The following EPHB1 variants were observed in gnomAD, a reference collection of about 807,000 sequenced individuals.
EPHB1 encodes EPH receptor B1, also known as ephrin type-B receptor 1.
In EPHB1, 30 loss-of-function variants were observed where a neutral mutation model predicts 94.4. That is an observed-to-expected ratio of 0.32 (90% CI 0.24 to 0.43). EPHB1 has a LOEUF of 0.43. Among genes scored for constraint, EPHB1 ranks in the 20% least tolerant of loss-of-function variants. The probability of loss-of-function intolerance (pLI) is 1.00; values close to 1 mark genes in which losing one functional copy is unlikely to be tolerated. For missense variants in EPHB1, 1,055 were observed against 1,308.3 expected (o/e 0.81, Z 2.99); for synonymous variants, 522 against 489.1 (o/e 1.07, Z -0.89).
At chr3:135,086,827 C>G (rs1194191854) in intron 3 of EPHB1, among the ~76,000 whole-genome samples, 1 of 152,164 alleles carries the variant, frequency 6.6e-6, no homozygotes, top group Non-Finnish European at 1.5e-5. Flanking sequence ...TTACTCTTCT[C>G]TGTAAAGTCA....
chr3:135,002,515 A>G (rs1314142370), intron 3 of EPHB1, among the ~76,000 whole-genome samples: 1 of 151,892 alleles, frequency 6.6e-6, no homozygotes, highest in Non-Finnish European at 1.5e-5. Flanking sequence ...ATTGATTGGA[A>G]TAGTTTCAGA....
intron 3 of EPHB1, among the ~76,000 whole-genome samples, chr3:135,088,663 A>G (rs1938445364): frequency 6.6e-6 from 1 of 152,162 alleles, no homozygotes; most frequent in Non-Finnish European, 1.5e-5. Context: ...ATGAGGAAGG[A>G]TGGAAGAAGA....
chr3:135,078,373 G>A (rs1444568788), intron 3 of EPHB1, among the ~76,000 whole-genome samples: 1 of 152,188 alleles, frequency 6.6e-6, no homozygotes, highest in African/African-American at 2.4e-5. Context: ...ACCATGCTGG[G>A]CAGGGCACCC....
chr3:134,996,161 A>G (rs922918574), intron 3 of EPHB1, among the ~76,000 whole-genome samples: 2 of 152,164 alleles, frequency 1.3e-5, no homozygotes, highest in Admixed American at 1.3e-4. Flanking sequence ...CCTTATTTAC[A>G]TATTTTTGGT....
intron 3 of EPHB1, chr3:134,978,068 G>A (rs1268612101): frequency 2.1e-5 from 9 of 438,308 alleles, no homozygotes; most frequent in African/African-American, 1.8e-4. Context: ...CACCCCCTCT[G>A]AGGAAGCAGG....
chr3:135,248,857 G>A (rs536151074), intron 14 of EPHB1, among the ~76,000 whole-genome samples: 1 of 152,118 alleles, frequency 6.6e-6, no homozygotes, highest in East Asian at 1.9e-4. Context: ...GGATACCTGG[G>A]TGTCTGCTTT....
At chr3:134,865,356 C>A (rs1241660599) in intron 1 of EPHB1, among the ~76,000 whole-genome samples, 1 of 152,162 alleles carries the variant, frequency 6.6e-6, no homozygotes, top group Non-Finnish European at 1.5e-5. Context: ...TTAGGAATCA[C>A]TGATCTGGGG....
At chr3:134,946,308 C>G (rs981357919) in intron 2 of EPHB1, among the ~76,000 whole-genome samples, 1 of 152,190 alleles carries the variant, frequency 6.6e-6, no homozygotes, top group Admixed American at 6.5e-5. Flanking sequence ...TAGTTACACT[C>G]AGGATGAAGT....
At chr3:135,103,510 C>T (rs1422998353) in intron 3 of EPHB1, among the ~76,000 whole-genome samples, 1 of 152,212 alleles carries the variant, frequency 6.6e-6, no homozygotes, top group African/African-American at 2.4e-5. Flanking sequence ...TTATTTAGCA[C>T]ACATTGATGC....
At chr3:134,963,981 C>T (rs1305369014) in intron 3 of EPHB1, among the ~76,000 whole-genome samples, 1 of 152,224 alleles carries the variant, frequency 6.6e-6, no homozygotes, top group East Asian at 1.9e-4. Flanking sequence ...TCACCTGCAT[C>T]ATCATGCCCA....
At chr3:134,860,074 A>G (rs2037214772) in intron 1 of EPHB1, among the ~76,000 whole-genome samples, 2 of 151,838 alleles carry the variant, frequency 1.3e-5, no homozygotes, top group South Asian at 4.2e-4. Context: ...TGAAGATTGT[A>G]TATTTTTTGA....
chr3:135,040,390 A>G (rs1936794703), intron 3 of EPHB1, among the ~76,000 whole-genome samples: 1 of 152,240 alleles, frequency 6.6e-6, no homozygotes, highest in African/African-American at 2.4e-5. Flanking sequence ...AGCTCCCCAC[A>G]TGCAGTGTGA....
chr3:135,042,072 G>C (rs1290553184), intron 3 of EPHB1, among the ~76,000 whole-genome samples: 1 of 152,162 alleles, frequency 6.6e-6, no homozygotes, highest in Non-Finnish European at 1.5e-5. Context: ...GAGACTACAG[G>C]CCTGCACCAC....
At chr3:134,976,207 G>A (rs189295838) in intron 3 of EPHB1, among the ~76,000 whole-genome samples, 2 of 152,302 alleles carry the variant, frequency 1.3e-5, no homozygotes, top group East Asian at 3.9e-4. Context: ...AGAGATCTAT[G>A]GGAGCAGCTA....
At chr3:134,922,691 T>A (rs558572294) in intron 1 of EPHB1, among the ~76,000 whole-genome samples, 23 of 152,286 alleles carry the variant, frequency 1.5e-4, no homozygotes, top group African/African-American at 5.5e-4. Flanking sequence ...GGGTGGGGGA[T>A]GCATTATTCT....
chr3:135,173,285 C>T (rs578074730), intron 9 of EPHB1, among the ~76,000 whole-genome samples: 3 of 152,080 alleles, frequency 2.0e-5, no homozygotes, highest in Non-Finnish European at 2.9e-5. Context: ...CCGCCCGCCT[C>T]GGCCTCCCAA....
At chr3:134,940,660 C>T (rs2039095995) in intron 2 of EPHB1, among the ~76,000 whole-genome samples, 1 of 152,242 alleles carries the variant, frequency 6.6e-6, no homozygotes, top group African/African-American at 2.4e-5. Flanking sequence ...ATTCAGATCT[C>T]AGCTCAAAGG....
At chr3:134,857,464 C>T (rs1355208713) in intron 1 of EPHB1, among the ~76,000 whole-genome samples, 1 of 152,146 alleles carries the variant, frequency 6.6e-6, no homozygotes, top group Non-Finnish European at 1.5e-5. Flanking sequence ...CACTGACAGG[C>T]TGCGGGTGTC....
intron 3 of EPHB1, among the ~76,000 whole-genome samples, chr3:135,049,690 AAGG>A (rs753442411): frequency 6.6e-6 from 1 of 152,228 alleles, no homozygotes; most frequent in South Asian, 2.1e-4. Flanking sequence ...CACTTCTGGA[AAGG>A]AGGAGTATCA....
Sources: allele counts gnomAD v4.1 joint callset (sites outside exome capture counted in the v4.1 genomes callset), GRCh38; gene constraint gnomAD v4.1.1; transcripts MANE v1.5; gene names NCBI Gene and HGNC (gene_info 2026-07-23, HGNC 2026-07-21).